Variants in RDH11 observed in about 807,000 individuals in gnomAD.
RDH11 encodes the protein HCV core-binding protein HCBP12.
RDH11 carries 19 observed loss-of-function variants against 33.4 expected under a neutral mutation model. That is an observed-to-expected ratio of 0.57 (90% CI 0.40 to 0.83). The LOEUF (loss-of-function observed/expected upper bound fraction) is 0.83, where lower values mean the gene tolerates loss of function less well. RDH11 is among the 40% of genes least tolerant of loss of function. RDH11 has a pLI of 0.00. For synonymous variants in RDH11, 154 were observed against 155.3 expected (o/e 0.99, Z 0.06); for missense variants, 353 against 389.0 (o/e 0.91, Z 0.78).
intron 1 of RDH11, among the ~76,000 whole-genome samples, chr14:67,694,389 C>A (rs1250897651): frequency 6.6e-6 from 1 of 151,268 alleles, no homozygotes; most frequent in Non-Finnish European, 1.5e-5. Context: ...CAGCTCTGGC[C>A]CGACTCCCAT....
chr14:67,694,469 T>C (rs1295584714), intron 1 of RDH11, among the ~76,000 whole-genome samples: 1 of 130,396 alleles, frequency 7.7e-6, no homozygotes, highest in African/African-American at 2.7e-5. Context: ...CACACACATA[T>C]ATATATATAC....
At chr14:67,694,568 T>A (rs2037803603) in intron 1 of RDH11, among the ~76,000 whole-genome samples, 1 of 151,690 alleles carries the variant, frequency 6.6e-6, no homozygotes. Context: ...TATTTTCAGT[T>A]CTGGTTCAAC....
At position 67,678,142 on chromosome 14, in the gene RDH11, C is replaced by T. The variant is rs966243892; in HGVS notation, c.*179G>A. 1.8e-6 allele frequency: 1 copy of T among 545,988 alleles called. No homozygotes were observed. The highest frequency in any genetic ancestry group is 3.2e-5 in the Admixed American group (1 of 31,428). 33.8% of individuals were successfully genotyped at this position (545,988 alleles called of 1,614,324 possible). A position where few individuals can be genotyped will look rare whatever the true frequency, so the allele number is the denominator to read the frequency against. On this transcript the variant is annotated 3_prime_UTR_variant, in exon 7 of 7. Coordinates refer to ENST00000381346, the MANE Select transcript of RDH11 (RefSeq NM_016026.4). ...AGAAGCAAAGTAAATCTGGACATGA[C>T]AGACATTTAGACGAATCTGGCAGTA...
chr14:67,690,792 G>A (rs182281663), intron 4 of RDH11: 5 of 375,178 alleles, frequency 1.3e-5, no homozygotes, highest in Non-Finnish European at 2.4e-5. Context: ...AGTACAGCCT[G>A]GGCAACATAG....
At chr14:67,678,620 G>A (rs1211643763) in intron 6 of RDH11, among the ~76,000 whole-genome samples, 197 bp from the exon 7 acceptor site, 2 of 152,040 alleles carry the variant, frequency 1.3e-5, no homozygotes, top group African/African-American at 4.8e-5. Flanking sequence ...AGATCTCCTC[G>A]CTAGACCACC....
chr14:67,686,221 T>C (rs543346864), intron 5 of RDH11: 72 of 152,354 alleles, frequency 4.7e-4, no homozygotes, highest in African/African-American at 1.7e-3. Context: ...CTGTGTAACC[T>C]TGGGCAAGTT....
intron 1 of RDH11, among the ~76,000 whole-genome samples, chr14:67,694,423 G>A (rs1224644558): frequency 2.0e-5 from 3 of 148,466 alleles, no homozygotes; most frequent in Non-Finnish European, 4.4e-5. Flanking sequence ...TGGGAATACA[G>A]CTCCTGGAAT....
chr14:67,690,226 G>A lies in RDH11; in HGVS notation c.650C>T (p.Ala217Val). The part of the protein sequence containing the change: ...LANILFTQEL[A>V]RRLKGSGVTT... ...TCTAGGCCCACCTTTTAGTCTCCGG[G>A]CCAGTTCCTGGGTGAAGAGGATGTT... The change falls in exon 5 of 7, where the codon GCC (alanine) becomes GTC (valine). Residue 217 changes from alanine to valine, a missense_variant. Transcript: ENST00000381346. 6.2e-7 allele frequency: 1 copy of A among 1,613,314 alleles called. No homozygotes were observed. Among genetic ancestry groups the A allele is most frequent in the Non-Finnish European group, 8.5e-7 (1 of 1,179,892 alleles).
chr14:67,693,366 G>C (rs921274883), intron 1 of RDH11, among the ~76,000 whole-genome samples: 27 of 152,128 alleles, frequency 1.8e-4, no homozygotes, highest in African/African-American at 6.5e-4. Context: ...TTGTGACTTA[G>C]GAAATCACAA....
At chr14:67,687,390 C>T (rs567954818) in intron 5 of RDH11, among the ~76,000 whole-genome samples, 13 of 149,248 alleles carry the variant, frequency 8.7e-5, no homozygotes, top group African/African-American at 2.4e-4. Context: ...TGGTAACCTT[C>T]GCTGTTTCTC....
chr14:67,693,857 G>T (rs900620111), intron 1 of RDH11, among the ~76,000 whole-genome samples: 1 of 152,016 alleles, frequency 6.6e-6, no homozygotes, highest in African/African-American at 2.4e-5. Context: ...CACCACGCTG[G>T]CCAGGATGGT....
chr14:67,678,198 A>C lies in RDH11; in HGVS notation c.*123T>G, dbSNP rs1459069613. The C allele has an allele frequency of 1.5e-6, 1 of 659,890 alleles. No individual in the cohort carries two copies. Among genetic ancestry groups the C allele is most frequent in the African/African-American group, 1.8e-5 (1 of 55,390 alleles). The allele number at this position is 659,890 out of a possible 1,614,324, so 40.9% of individuals were successfully genotyped here. ...AGTTTTAACTGGACACCAAGCAGGCAAGGCTGGAAGGTTTTGCTCTCTTTG... is the reference window on the plus strand; with the variant it reads ...AGTTTTAACTGGACACCAAGCAGGCCAGGCTGGAAGGTTTTGCTCTCTTTG... On this transcript the variant is annotated 3_prime_UTR_variant, in exon 7 of 7. Transcript: ENST00000381346.
In RDH11 at chr14:67,693,072, G is replaced by A; in HGVS notation, c.75-20C>T. 3.9e-6 allele frequency: 6 copies of A among 1,550,056 alleles called. No individual in the cohort carries two copies. The highest frequency in any genetic ancestry group is 2.3e-5 in the East Asian group (1 of 43,906). On this transcript the variant is annotated intron_variant, in intron 1 of 6. Transcript: ENST00000381346. Reference sequence around the variant, plus strand: ...ATTTTCCTGCAGACAGAGAAGGAGAGCTCATCAATTCTTCATTCTACTGTC... The same window carrying A: ...ATTTTCCTGCAGACAGAGAAGGAGAACTCATCAATTCTTCATTCTACTGTC...
rs71129846 is a variant in RDH11, at chr14:67,677,363, A to ATTTTTTTTT, written c.*949_*957dup. On this transcript the variant is annotated 3_prime_UTR_variant, in exon 7 of 7. Transcript: ENST00000381346. ...TTTTTTTTGTTTGTTTGTTTTTAGGATTTTTTTTTTTTTTTTTTTTTTTTT... is the reference window on the plus strand; with the variant it reads ...TTTTTTTTGTTTGTTTGTTTTTAGGATTTTTTTTTTTTTTTTTTTTTTTTTTTTTTTTTT... 3.4e-4 allele frequency: 11 copies of ATTTTTTTTT among 31,978 alleles called. 1 individual carries two copies. The highest frequency in any genetic ancestry group is 5.4e-4 in the African/African-American group (4 of 7,352). The allele number at this position is 31,978 out of a possible 1,614,324, so 2.0% of individuals were successfully genotyped here.
In RDH11 at chr14:67,678,106, C is replaced by T. The variant is rs1321417824; in HGVS notation, c.*215G>A. 3 of 490,964 alleles carry T rather than the reference C, an allele frequency of 6.1e-6. No homozygotes were observed. Among genetic ancestry groups the T allele is most frequent in the East Asian group, 7.2e-5 (2 of 27,736 alleles). 30.4% of individuals were successfully genotyped at this position (490,964 alleles called of 1,614,324 possible). A position where few individuals can be genotyped will look rare whatever the true frequency, so the allele number is the denominator to read the frequency against. On this transcript the variant is annotated 3_prime_UTR_variant, in exon 7 of 7. Coordinates refer to ENST00000381346, the MANE Select transcript of RDH11 (RefSeq NM_016026.4). ...TCCTATTATGATATCTCTAGTAACT[C>T]TGGCAGTAACAGAAGCAAAGTAAAT... is the stretch of plus-strand genomic sequence containing the variant.
chr14:67,690,667 C>A (rs1170998398), intron 4 of RDH11: 2 of 486,528 alleles, frequency 4.1e-6, no homozygotes, highest in Admixed American at 7.0e-5. Context: ...CCAGCTCATT[C>A]CTACTTTGGT....
chr14:67,687,618 C>A (rs180937617), intron 5 of RDH11, among the ~76,000 whole-genome samples: 29 of 151,998 alleles, frequency 1.9e-4, no homozygotes, highest in African/African-American at 7.0e-4. Flanking sequence ...ACTACAGGCA[C>A]ACGCCAACAT....
At chr14:67,680,010 A>G (rs1365430837) in intron 6 of RDH11, among the ~76,000 whole-genome samples, 1 of 152,216 alleles carries the variant, frequency 6.6e-6, no homozygotes, top group African/African-American at 2.4e-5. Context: ...AGTGGGATTC[A>G]AAGTGTGCAC....
At chr14:67,692,271 ATC>A in intron 3 of RDH11, 165 bp downstream of exon 3, 1 of 689,654 alleles carries the variant, frequency 1.5e-6, no homozygotes, top group East Asian at 2.7e-5. Flanking sequence ...TCTGGAAGAT[ATC>A]CCTTTGACAT....
Sources: gnomAD v4.1 joint callset for allele counts (sites outside exome capture counted in the v4.1 genomes callset) on GRCh38, gnomAD v4.1.1 for gene constraint, MANE v1.5 for transcripts, NCBI Gene and HGNC (gene_info 2026-07-23, HGNC 2026-07-21) for gene names.